Variants in COL22A1 observed in about 807,000 individuals in gnomAD.
COL22A1 encodes collagen alpha-1(XXII) chain.
Under a neutral mutation model 248.9 loss-of-function variants are expected in COL22A1, and 221 were observed. The observed-to-expected ratio is 0.89, with a 90% confidence interval of 0.80 to 0.99. The LOEUF is 0.99. COL22A1 is among the 50% of genes least tolerant of loss of function. COL22A1 has a pLI of 0.00. For missense variants in COL22A1, 2,240 were observed against 2,179.0 expected (o/e 1.03, Z -0.56); for synonymous variants, 891 against 793.4 (o/e 1.12, Z -2.07).
At chr8:138,809,284 G>T (rs533334937) in intron 9 of COL22A1, among the ~76,000 whole-genome samples, 1 of 152,302 alleles carries the variant, frequency 6.6e-6, no homozygotes, top group East Asian at 1.9e-4. Context: ...CCTAACCAGA[G>T]TGTAGACTAC....
chr8:138,697,503 G>A (rs769277325), intron 32 of COL22A1, among the ~76,000 whole-genome samples: 1 of 152,124 alleles, frequency 6.6e-6, no homozygotes, highest in Non-Finnish European at 1.5e-5. Context: ...TCTGACATCT[G>A]CAGACCCCAG....
chr8:138,781,455 G>T (rs1563755831), intron 12 of COL22A1, among the ~76,000 whole-genome samples: 1 of 152,186 alleles, frequency 6.6e-6, no homozygotes, highest in Non-Finnish European at 1.5e-5. Flanking sequence ...GCACCCTCCA[G>T]GGGTGACAAC....
intron 56 of COL22A1, among the ~76,000 whole-genome samples, chr8:138,611,818 G>GC (rs751015478): frequency 1.8e-4 from 28 of 151,668 alleles, no homozygotes; most frequent in Non-Finnish European, 3.8e-4. Flanking sequence ...CATAGGACCT[G>GC]CCACACACCC....
intron 32 of COL22A1, among the ~76,000 whole-genome samples, chr8:138,699,674 G>A (rs554885466): frequency 1.5e-3 from 232 of 152,270 alleles, no homozygotes; most frequent in Non-Finnish European, 2.6e-3. Flanking sequence ...CCAGTCCCCA[G>A]AACAGCCTGA....
At chr8:138,741,334 G>A (rs1349211491) in intron 22 of COL22A1, among the ~76,000 whole-genome samples, 3 of 152,220 alleles carry the variant, frequency 2.0e-5, no homozygotes, top group Admixed American at 6.5e-5. Flanking sequence ...CCGGGGTGGG[G>A]TACAAAGCTC....
intron 22 of COL22A1, among the ~76,000 whole-genome samples, chr8:138,750,493 C>A (rs1238242252): frequency 6.6e-6 from 1 of 152,158 alleles, no homozygotes; most frequent in Non-Finnish European, 1.5e-5. Context: ...GGAGGCAACC[C>A]CCTTAGACGA....
At chr8:138,619,840 C>G (rs372864058) in intron 52 of COL22A1, among the ~76,000 whole-genome samples, 2 of 152,158 alleles carry the variant, frequency 1.3e-5, no homozygotes, top group African/African-American at 4.8e-5. Flanking sequence ...ACTTTATGCC[C>G]ACTTGCAAAA....
In COL22A1 at chr8:138,594,115, C is replaced by G; in HGVS notation, c.4517G>C (p.Gly1506Ala). ...QGRPGPPGPP[G>A]KDGLPGRAGP... ...GGCCCGGCCTGGAAGCCCATCTTTT[C>G]CAGGGGGCCCTGGGGGCCCAGGTCT... Residue 1506 changes from glycine (G) to alanine (A), a missense_variant, in exon 63 of 65, where the codon GGA (glycine) becomes GCA (alanine). Physicochemically the swap from Gly to Ala is moderately conservative, Grantham distance 60 (BLOSUM62 0). Transcript: ENST00000303045. 1 of 1,581,374 alleles carries G rather than the reference C, an allele frequency of 6.3e-7. No homozygotes were observed. The highest frequency in any genetic ancestry group is 8.5e-7 in the Non-Finnish European group (1 of 1,170,036).
chr8:138,686,494 G>A (rs990175774), intron 37 of COL22A1, among the ~76,000 whole-genome samples: 3 of 152,246 alleles, frequency 2.0e-5, no homozygotes, highest in African/African-American at 7.2e-5. Flanking sequence ...AGGATGGAGA[G>A]GGCCTCTCTC....
chr8:138,862,259 A>G (rs2131962735), intron 3 of COL22A1, among the ~76,000 whole-genome samples: 1 of 152,186 alleles, frequency 6.6e-6, no homozygotes, highest in East Asian at 1.9e-4. Context: ...GTAAAACAAA[A>G]CAAAGTCTTC....
chr8:138,640,450 A>T (rs1821582216), intron 47 of COL22A1, among the ~76,000 whole-genome samples: 1 of 152,060 alleles, frequency 6.6e-6, no homozygotes, highest in South Asian at 2.1e-4. Context: ...CTAAACTTTT[A>T]CATGCTGTTG....
chr8:138,784,825 T>A (rs746679060), intron 12 of COL22A1, among the ~76,000 whole-genome samples: 14 of 152,122 alleles, frequency 9.2e-5, no homozygotes, highest in Non-Finnish European at 1.9e-4. Context: ...GCTGATTAGC[T>A]CTAATCTAAT....
chr8:138,859,574 C>T (rs1822296663), intron 3 of COL22A1, among the ~76,000 whole-genome samples: 3 of 152,150 alleles, frequency 2.0e-5, no homozygotes, highest in South Asian at 4.1e-4. Flanking sequence ...CAAAACCAGC[C>T]ACAAAACAGA....
chr8:138,883,380 A>G, intron 1 of COL22A1, 136 bp from the exon 2 acceptor site: 2 of 585,680 alleles, frequency 3.4e-6, no homozygotes, highest in Non-Finnish European at 6.0e-6. Context: ...AACTCCAGGC[A>G]GCGAATGTGT....
At chr8:138,688,876 A>G in intron 37 of COL22A1, 41 bp downstream of exon 37, 1 of 1,561,720 alleles carries the variant, frequency 6.4e-7, no homozygotes. Flanking sequence ...TAAGAAGTTA[A>G]GGATATTCAC....
intron 41 of COL22A1, among the ~76,000 whole-genome samples, chr8:138,664,217 A>ACACACACACACGCG (rs1824284243): frequency 9.3e-6 from 1 of 107,432 alleles, no homozygotes; most frequent in Non-Finnish European, 2.0e-5. Flanking sequence ...GCGCACACAC[A>ACACACACACACGCG]CACACACACA....
intron 10 of COL22A1, among the ~76,000 whole-genome samples, chr8:138,806,855 A>G (rs1007712204): frequency 3.3e-5 from 5 of 152,200 alleles, no homozygotes; most frequent in Non-Finnish European, 7.3e-5. Context: ...AAGATGGGAA[A>G]GAAGTGGGCA....
At chr8:138,837,544 G>C (rs1321849705) in intron 4 of COL22A1, among the ~76,000 whole-genome samples, 2 of 152,198 alleles carry the variant, frequency 1.3e-5, no homozygotes, top group Non-Finnish European at 2.9e-5. Context: ...CACAGCTCTG[G>C]GCTCCCAGGC....
chr8:138,602,083 G>T (rs1319917975), intron 60 of COL22A1, 32 bp downstream of exon 60: 2 of 1,613,494 alleles, frequency 1.2e-6, no homozygotes, highest in South Asian at 2.2e-5. Flanking sequence ...GTCGCGTTCG[G>T]CGTGTTCAAG....
Sources: allele counts gnomAD v4.1 joint callset (sites outside exome capture counted in the v4.1 genomes callset), GRCh38; gene constraint gnomAD v4.1.1; transcripts MANE v1.5; gene names NCBI Gene and HGNC (gene_info 2026-07-23, HGNC 2026-07-21).